Variants in HS6ST3 observed in about 807,000 individuals in gnomAD.
The protein encoded by HS6ST3 is heparan-sulfate 6-O-sulfotransferase 3.
In HS6ST3, 12 loss-of-function variants were observed where a neutral mutation model predicts 36.7. That is an observed-to-expected ratio of 0.33 (90% confidence interval 0.21 to 0.53). HS6ST3 has a LOEUF of 0.53. HS6ST3 is among the 20% of genes least tolerant of loss of function. The pLI, the probability that HS6ST3 is intolerant of heterozygous loss-of-function variation, is 0.95. For synonymous variants in HS6ST3, 240 were observed against 257.5 expected, an observed-to-expected ratio of 0.93 and a Z score of 0.65; for missense variants, 584 against 640.9, an observed-to-expected ratio of 0.91 and a Z score of 0.96.
chr13:96,338,991 A>G (rs1030451251), intron 1 of HS6ST3, among the ~76,000 whole-genome samples: 3 of 152,084 alleles, frequency 2.0e-5, no homozygotes, highest in Non-Finnish European at 4.4e-5. Flanking sequence ...TTTCTTTTAC[A>G]GAACAGTCAG....
At chr13:96,569,170 A>G (rs185148371) in intron 1 of HS6ST3, among the ~76,000 whole-genome samples, 43 of 152,334 alleles carry the variant, frequency 2.8e-4, no homozygotes, top group African/African-American at 1.0e-3. Context: ...AGTTCCTGGC[A>G]TCATACTGAG....
intron 1 of HS6ST3, among the ~76,000 whole-genome samples, chr13:96,285,484 C>G (rs7320065): frequency 0.35 from 53,429 of 151,934 alleles, 9,639 homozygotes; most frequent in South Asian, 0.4. Context: ...TTTAATAAAG[C>G]TGTACAGAAT....
At chr13:96,163,284 C>T (rs891300253) in intron 1 of HS6ST3, among the ~76,000 whole-genome samples, 3 of 132,444 alleles carry the variant, frequency 2.3e-5, no homozygotes, top group Middle Eastern at 5.2e-3. Context: ...GGCTGGAGTG[C>T]AGTGGTGCCA....
intron 1 of HS6ST3, among the ~76,000 whole-genome samples, chr13:96,306,267 C>A (rs1489688295): frequency 6.6e-6 from 1 of 152,004 alleles, no homozygotes; most frequent in Non-Finnish European, 1.5e-5. Flanking sequence ...CCATGCCCAG[C>A]TAATTTTTGT....
At chr13:96,445,079 G>A (rs1253649199) in intron 1 of HS6ST3, among the ~76,000 whole-genome samples, 1 of 152,164 alleles carries the variant, frequency 6.6e-6, no homozygotes, top group East Asian at 1.9e-4. Flanking sequence ...AGTCAGAAAT[G>A]AATTACCCTG....
intron 1 of HS6ST3, among the ~76,000 whole-genome samples, chr13:96,470,962 C>A (rs1445794209): frequency 2.0e-5 from 3 of 152,154 alleles, no homozygotes; most frequent in Admixed American, 6.6e-5. Context: ...TTTGTCATAA[C>A]CCAGGAACTG....
intron 1 of HS6ST3, among the ~76,000 whole-genome samples, chr13:96,615,160 CA>C (rs775078600): frequency 1.3e-5 from 2 of 151,896 alleles, no homozygotes; most frequent in East Asian, 3.9e-4. Flanking sequence ...TGAAAAAAAC[CA>C]CAATTACTGT....
intron 1 of HS6ST3, among the ~76,000 whole-genome samples, chr13:96,458,561 T>C (rs1250877045): frequency 6.6e-6 from 1 of 152,028 alleles, no homozygotes; most frequent in East Asian, 1.9e-4. Context: ...GATTTGACTT[T>C]CTTTTTTAAC....
chr13:96,553,485 A>C (rs2056227785), intron 1 of HS6ST3, among the ~76,000 whole-genome samples: 1 of 152,212 alleles, frequency 6.6e-6, no homozygotes, highest in African/African-American at 2.4e-5. Context: ...TGTTTATGGA[A>C]GGTTTCTTGG....
chr13:96,704,922 A>G (rs537136345), intron 1 of HS6ST3, among the ~76,000 whole-genome samples: 22 of 152,296 alleles, frequency 1.4e-4, no homozygotes, highest in African/African-American at 5.3e-4. Flanking sequence ...AAGCAATATC[A>G]TTTTGTTAAG....
chr13:96,805,054 G>A (rs1210087916), intron 1 of HS6ST3, among the ~76,000 whole-genome samples: 1 of 152,142 alleles, frequency 6.6e-6, no homozygotes, highest in Non-Finnish European at 1.5e-5. Context: ...TGAAGCTAAG[G>A]TTATTTTGGA....
intron 1 of HS6ST3, among the ~76,000 whole-genome samples, chr13:96,354,058 A>G (rs911549369): frequency 7.9e-5 from 12 of 152,212 alleles, no homozygotes; most frequent in African/African-American, 2.9e-4. Flanking sequence ...TTAAAGATAT[A>G]TGTACAGTTA....
intron 1 of HS6ST3, among the ~76,000 whole-genome samples, chr13:96,202,186 A>G (rs1214938131): frequency 3.3e-5 from 5 of 152,216 alleles, no homozygotes; most frequent in Non-Finnish European, 5.9e-5. Flanking sequence ...TCTGACACCA[A>G]TGAAACTTTT....
At chr13:96,663,389 GT>G (rs749013938) in intron 1 of HS6ST3, among the ~76,000 whole-genome samples, 19 of 152,242 alleles carry the variant, frequency 1.2e-4, no homozygotes, top group South Asian at 2.1e-4. Flanking sequence ...TGGCTAATAA[GT>G]GCATAATAAA....
intron 1 of HS6ST3, among the ~76,000 whole-genome samples, chr13:96,738,589 T>C (rs993330440): frequency 6.6e-6 from 1 of 152,078 alleles, no homozygotes; most frequent in Admixed American, 6.6e-5. Flanking sequence ...TAGCAGAACA[T>C]TTTTTCCTTT....
chr13:96,096,363 A>T (rs574608602), intron 1 of HS6ST3, among the ~76,000 whole-genome samples: 70 of 152,308 alleles, frequency 4.6e-4, no homozygotes, highest in African/African-American at 1.6e-3. Flanking sequence ...CTCAGTAAAA[A>T]CTTGAGGAAT....
chr13:96,141,947 G>A (rs1246307822), intron 1 of HS6ST3, among the ~76,000 whole-genome samples: 1 of 148,596 alleles, frequency 6.7e-6, no homozygotes, highest in Non-Finnish European at 1.5e-5. Context: ...AATTCCTGCT[G>A]AAGAAAACCG....
intron 1 of HS6ST3, among the ~76,000 whole-genome samples, chr13:96,825,478 T>A (rs55888814): frequency 0.089 from 13,533 of 152,036 alleles, 670 homozygotes; most frequent in Non-Finnish European, 0.11. Context: ...GGCAGGCGGG[T>A]GCATGGCATT....
At chr13:96,432,050 G>A (rs1190666222) in intron 1 of HS6ST3, among the ~76,000 whole-genome samples, 1 of 152,152 alleles carries the variant, frequency 6.6e-6, no homozygotes, top group South Asian at 2.1e-4. Flanking sequence ...AACCAGAAGT[G>A]GGTGTTATTC....
Sources: allele counts gnomAD v4.1 joint callset (sites outside exome capture counted in the v4.1 genomes callset), GRCh38; gene constraint gnomAD v4.1.1; transcripts MANE v1.5; gene names NCBI Gene and HGNC (gene_info 2026-07-23, HGNC 2026-07-21).